AMD1: variants seen among roughly 807,000 people sequenced by gnomAD.
The protein encoded by AMD1 is adenosylmethionine decarboxylase 1, also known as S-adenosylmethionine decarboxylase proenzyme.
A neutral mutation model predicts 40.2 loss-of-function variants in AMD1; 11 were observed. The observed-to-expected ratio is 0.27, with a 90% CI of 0.17 to 0.45. The LOEUF (loss-of-function observed/expected upper bound fraction) is 0.45. Ranked by LOEUF, AMD1 falls within the 20% of genes least tolerant of loss-of-function variation. The probability of loss-of-function intolerance (pLI) is 1.00; values close to 1 mark genes in which losing one functional copy is unlikely to be tolerated. For missense variants in AMD1, 257 were observed against 410.2 expected (o/e 0.63, Z 3.23); for synonymous variants, 121 against 130.8 (o/e 0.93, Z 0.51).
chr6:110,845,668 A>G, the AMD1 span, among the ~76,000 whole-genome samples: 2 of 152,144 alleles, frequency 1.3e-5, no homozygotes, highest in Non-Finnish European at 2.9e-5. Flanking sequence ...GCGATTTGCC[A>G]GGGGTTCTCA....
the AMD1 span, among the ~76,000 whole-genome samples, chr6:110,857,656 G>GTATA: frequency 1.5e-5 from 2 of 130,444 alleles, no homozygotes; most frequent in Admixed American, 1.5e-4. Context: ...TATATAGATG[G>GTATA]TATATATATA....
chr6:110,875,300 C>T, intron 1 of AMD1, 85 bp downstream of exon 1: 2 of 1,137,728 alleles, frequency 1.8e-6, no homozygotes, highest in African/African-American at 1.5e-5. Flanking sequence ...AGCCCGAGTT[C>T]CCTCAGCTTT....
At chr6:110,886,785 CTG>C (rs1165835142) in intron 1 of AMD1, among the ~76,000 whole-genome samples, 4 of 152,186 alleles carry the variant, frequency 2.6e-5, no homozygotes, top group Non-Finnish European at 5.9e-5. Context: ...AAAATAATAT[CTG>C]TCATGTTAAG....
In AMD1 at chr6:110,893,801, T is replaced by A. The variant is rs1449021246; in HGVS notation, c.*185T>A. 3.2e-6 allele frequency: 2 copies of A among 631,434 alleles called. No individual in the cohort carries two copies. The highest frequency in any genetic ancestry group is 2.3e-5 in the South Asian group (1 of 44,064). 39.1% of individuals were successfully genotyped at this position (631,434 alleles called of 1,614,324 possible). On this transcript the variant is annotated 3_prime_UTR_variant, in exon 9 of 9. Coordinates refer to ENST00000368885, the MANE Select transcript of AMD1 (RefSeq NM_001634.6). ...CATTATTATATCAAGGAGTTAGATA[T>A]CTTGCATGAATGCTCTCTTCTGTGT...
the AMD1 span, among the ~76,000 whole-genome samples, chr6:110,840,013 CTTTTTT>C: frequency 2.2e-5 from 2 of 92,870 alleles, no homozygotes; most frequent in Non-Finnish European, 4.3e-5. Context: ...GATTCTCTCT[CTTTTTT>C]TTTTTTTTTT....
chr6:110,883,571 C>T (rs1055452166), intron 1 of AMD1, among the ~76,000 whole-genome samples: 2 of 152,118 alleles, frequency 1.3e-5, no homozygotes, highest in East Asian at 1.9e-4. Flanking sequence ...TCTAAAACAA[C>T]GAGAGAAGGG....
chr6:110,862,439 T>C, the AMD1 span, among the ~76,000 whole-genome samples: 1 of 151,364 alleles, frequency 6.6e-6, no homozygotes. Context: ...TATTTCTGTT[T>C]CCTCTGGTTT....
chr6:110,858,059 G>A, the AMD1 span, among the ~76,000 whole-genome samples: 3 of 152,050 alleles, frequency 2.0e-5, no homozygotes, highest in South Asian at 6.2e-4. Context: ...GCCCAGGCTG[G>A]TCTCAAACTC....
At position 110,889,095 on chromosome 6, in the gene AMD1, A is replaced by G. The variant is rs1485014751; in HGVS notation, c.324+112A>G. ...TTACTGCCTTTGTTACAATGCATGC[A>G]AACACGTGGTAAGGTGTTCATACCT... On this transcript the variant is annotated intron_variant, in intron 3 of 8. Transcript: ENST00000368885. The G allele has an allele frequency of 1.2e-5, 16 of 1,324,592 alleles. No individual in the cohort carries two copies. The South Asian group carries it at 2.1e-4, about 17-fold the overall frequency. The allele number at this position is 1,324,592 out of a possible 1,614,324, so 82.1% of individuals were successfully genotyped here.
chr6:110,838,602 T>C, the AMD1 span, among the ~76,000 whole-genome samples: 4 of 151,858 alleles, frequency 2.6e-5, no homozygotes, highest in Non-Finnish European at 5.9e-5. Flanking sequence ...GTCACGCCTG[T>C]AATCCTGGCA....
the AMD1 span, among the ~76,000 whole-genome samples, chr6:110,818,158 G>C: frequency 6.6e-6 from 1 of 152,162 alleles, no homozygotes; most frequent in African/African-American, 2.4e-5. Flanking sequence ...AAAGGAAAAA[G>C]CTGGGGCAAA....
chr6:110,882,317 A>G (rs1240298157), intron 1 of AMD1, among the ~76,000 whole-genome samples: 1 of 152,224 alleles, frequency 6.6e-6, no homozygotes, highest in Non-Finnish European at 1.5e-5. Flanking sequence ...CCAAAACAAG[A>G]GTCAGCAAAC....
the AMD1 span, among the ~76,000 whole-genome samples, chr6:110,837,728 AAAAAAAAAAAAAAAAAAAT>A: frequency 4.3e-4 from 46 of 105,966 alleles, no homozygotes; most frequent in African/African-American, 1.7e-3. Flanking sequence ...AAAAAAAAAA[AAAAAAAAAAAAAAAAAAAT>A]ATATATATAT....
chr6:110,878,915 C>G (rs1785251910), intron 1 of AMD1, among the ~76,000 whole-genome samples: 1 of 152,146 alleles, frequency 6.6e-6, no homozygotes, highest in South Asian at 2.1e-4. Flanking sequence ...ACTTATTTGA[C>G]TACATCATTA....
the AMD1 span, among the ~76,000 whole-genome samples, chr6:110,862,925 T>C: frequency 1.1e-3 from 164 of 143,730 alleles, no homozygotes; most frequent in African/African-American, 3.9e-3. Context: ...TTCAGTTTTT[T>C]GTTTGTTTGT....
intron 1 of AMD1, among the ~76,000 whole-genome samples, chr6:110,876,270 TC>T (rs1399639855): frequency 6.6e-6 from 1 of 152,208 alleles, no homozygotes; most frequent in Non-Finnish European, 1.5e-5. Flanking sequence ...CCAATGGCCT[TC>T]CTAGGCCCTG....
At chr6:110,832,163 C>A in the AMD1 span, among the ~76,000 whole-genome samples, 3 of 151,988 alleles carry the variant, frequency 2.0e-5, no homozygotes, top group Non-Finnish European at 4.4e-5. Context: ...TGCCACCACA[C>A]CTGGCTAATT....
At chr6:110,887,711 A>G (rs1785772576) in intron 2 of AMD1, 120 bp downstream of exon 2, 1 of 659,266 alleles carries the variant, frequency 1.5e-6, no homozygotes, top group Non-Finnish European at 2.4e-6. Context: ...TTTTTTTGAG[A>G]CGGAGTTTCA....
In AMD1 at chr6:110,893,891, T is replaced by C; in HGVS notation, c.*275T>C. The C allele has an allele frequency of 5.5e-6, 2 of 366,160 alleles. No individual in the cohort carries two copies. Among genetic ancestry groups the C allele is most frequent in the Non-Finnish European group, 1.0e-5 (2 of 195,790 alleles). The allele number at this position is 366,160 out of a possible 1,614,324, so 22.7% of individuals were successfully genotyped here. A position where few individuals can be genotyped will look rare whatever the true frequency, so the allele number is the denominator to read the frequency against. ...CATGTAGAAAAAACCTTTTACTATATGAAACTTTACAACACTTGTGAAAGC... is the reference window on the plus strand; with the variant it reads ...CATGTAGAAAAAACCTTTTACTATACGAAACTTTACAACACTTGTGAAAGC... On this transcript the variant is annotated 3_prime_UTR_variant, in exon 9 of 9. Coordinates refer to ENST00000368885, the MANE Select transcript of AMD1 (RefSeq NM_001634.6).
Sources: allele counts gnomAD v4.1 joint callset (sites outside exome capture counted in the v4.1 genomes callset), GRCh38; gene constraint gnomAD v4.1.1; transcripts MANE v1.5; gene names NCBI Gene and HGNC (gene_info 2026-07-23, HGNC 2026-07-21).